The following TAF3 variants were observed in gnomAD, a reference collection of about 807,000 sequenced individuals.
TAF3 encodes the protein transcription initiation factor TFIID subunit 3.
A neutral mutation model predicts 80.6 loss-of-function variants in TAF3; 7 were observed. That is an observed-to-expected ratio of 0.09 (90% CI 0.05 to 0.16). TAF3 has a LOEUF of 0.16. TAF3 is among the 10% of genes least tolerant of loss of function. TAF3 has a pLI of 1.00. For missense variants in TAF3, 921 were observed against 1,140.2 expected (o/e 0.81, Z 2.77); for synonymous variants, 444 against 446.1 (o/e 1.00, Z 0.06).
At chr10:7,838,132 A>G (rs1051372698) in intron 2 of TAF3, among the ~76,000 whole-genome samples, 3 of 152,188 alleles carry the variant, frequency 2.0e-5, no homozygotes, top group African/African-American at 7.2e-5. Context: ...CTCGTGTTGC[A>G]TTGGGAATTG....
At chr10:7,989,761 T>C (rs1379786677) in intron 4 of TAF3, among the ~76,000 whole-genome samples, 1 of 152,214 alleles carries the variant, frequency 6.6e-6, no homozygotes, top group Non-Finnish European at 1.5e-5. Flanking sequence ...GCGTTTGGTA[T>C]AAAACCCTTT....
At chr10:7,867,061 C>T (rs765211851) in intron 2 of TAF3, among the ~76,000 whole-genome samples, 1 of 152,034 alleles carries the variant, frequency 6.6e-6, no homozygotes, top group Non-Finnish European at 1.5e-5. Flanking sequence ...GAGTCTGAGA[C>T]GAGCCTGGTG....
intron 2 of TAF3, among the ~76,000 whole-genome samples, chr10:7,931,266 C>T (rs1012434702): frequency 2.0e-5 from 3 of 152,064 alleles, no homozygotes; most frequent in South Asian, 2.1e-4. Flanking sequence ...ATGAAGTCAC[C>T]GTGAAGTCAG....
chr10:7,991,051 CTTTTT>C (rs1564378861), intron 4 of TAF3, among the ~76,000 whole-genome samples: 1 of 152,010 alleles, frequency 6.6e-6, no homozygotes, highest in African/African-American at 2.4e-5. Flanking sequence ...CTTCTCTTTT[CTTTTT>C]TTTCTCTTTT....
At chr10:8,007,720 T>G (rs1266796048) in intron 4 of TAF3, among the ~76,000 whole-genome samples, 1 of 151,540 alleles carries the variant, frequency 6.6e-6, no homozygotes, top group Non-Finnish European at 1.5e-5. Context: ...TGATCTTCAG[T>G]TTCCTCATCT....
chr10:7,865,654 G>C (rs1217820927), intron 2 of TAF3, among the ~76,000 whole-genome samples: 2 of 152,204 alleles, frequency 1.3e-5, no homozygotes, highest in East Asian at 1.9e-4. Context: ...CACGTGCAAA[G>C]TAGCAACTAG....
At chr10:7,852,476 T>G (rs144133020) in intron 2 of TAF3, among the ~76,000 whole-genome samples, 17 of 152,352 alleles carry the variant, frequency 1.1e-4, no homozygotes, top group Non-Finnish European at 1.9e-4. Context: ...TTGTTTGTCC[T>G]GTAGAGTTTT....
chr10:7,998,630 G>A (rs1250783705), intron 4 of TAF3, among the ~76,000 whole-genome samples: 1 of 152,000 alleles, frequency 6.6e-6, no homozygotes, highest in Non-Finnish European at 1.5e-5. Flanking sequence ...CCTGAAGTCA[G>A]GAGTTCGAGA....
At chr10:7,967,540 G>A (rs951837229) in intron 3 of TAF3, among the ~76,000 whole-genome samples, 1 of 152,174 alleles carries the variant, frequency 6.6e-6, no homozygotes, top group Non-Finnish European at 1.5e-5. Flanking sequence ...GGGCTATGGA[G>A]CAGGTACATG....
chr10:7,852,170 G>A (rs1028871056), intron 2 of TAF3, among the ~76,000 whole-genome samples: 1 of 152,032 alleles, frequency 6.6e-6, no homozygotes. Flanking sequence ...CTGCAGCCTC[G>A]AATTCCTGGG....
chr10:7,908,820 C>G (rs1013801172), intron 2 of TAF3, among the ~76,000 whole-genome samples: 2 of 152,262 alleles, frequency 1.3e-5, no homozygotes, highest in Non-Finnish European at 2.9e-5. Flanking sequence ...CTGCCTGTCT[C>G]CCAGAGCAGT....
intron 2 of TAF3, among the ~76,000 whole-genome samples, chr10:7,853,308 C>T (rs572668520): frequency 2.0e-4 from 30 of 152,266 alleles, no homozygotes; most frequent in African/African-American, 7.2e-4. Flanking sequence ...CCTCTGAACA[C>T]CTCCCAACTC....
At chr10:7,832,219 CTG>C (rs1836808248) in intron 2 of TAF3, among the ~76,000 whole-genome samples, 1 of 152,124 alleles carries the variant, frequency 6.6e-6, no homozygotes, top group Non-Finnish European at 1.5e-5. Context: ...GCCCCAGCCT[CTG>C]TAACCACTGT....
At chr10:8,000,169 G>T (rs976049611) in intron 4 of TAF3, among the ~76,000 whole-genome samples, 4 of 152,016 alleles carry the variant, frequency 2.6e-5, no homozygotes, top group African/African-American at 9.7e-5. Context: ...TCACTTTGTT[G>T]CCCAGGCTAG....
chr10:7,986,578 G>A lies in TAF3; in HGVS notation c.2315+9255G>A, dbSNP rs536221220. Among the ~76,000 whole-genome samples the A allele has an allele frequency of 2.8e-4, 43 of 152,244 alleles. No individual in the cohort carries two copies. The South Asian group carries it at 3.9e-3, about 14-fold the overall frequency. On this transcript the variant is annotated intron_variant, in intron 4 of 6. Transcript: ENST00000344293. ...CTTAGCTCCAAAAGTTTCCCAAGCT[G>A]AACAAAACCAAGGAAAGGCCTTGTC...
intron 4 of TAF3, among the ~76,000 whole-genome samples, chr10:7,980,793 G>T (rs1000868344): frequency 2.0e-5 from 3 of 152,174 alleles, no homozygotes; most frequent in Non-Finnish European, 4.4e-5. Flanking sequence ...TGGACTTGGG[G>T]CTGGGAGCAG....
chr10:7,884,392 C>CCTTTTTTTTT (rs199655446), intron 2 of TAF3, among the ~76,000 whole-genome samples: 6 of 120,512 alleles, frequency 5.0e-5, no homozygotes, highest in African/African-American at 1.7e-4. Context: ...GCTCTGCCTC[C>CCTTTTTTTTT]TTTTTTTTTT....
chr10:7,850,685 A>AT (rs1300398025), intron 2 of TAF3, among the ~76,000 whole-genome samples: 116 of 147,080 alleles, frequency 7.9e-4, no homozygotes, highest in South Asian at 4.9e-3. Context: ...AAAAAAAAAA[A>AT]AATATATATG....
At chr10:7,889,947 CCCT>C (rs983335268) in intron 2 of TAF3, among the ~76,000 whole-genome samples, 1 of 152,208 alleles carries the variant, frequency 6.6e-6, no homozygotes, top group Non-Finnish European at 1.5e-5. Flanking sequence ...TCGTTTTCCT[CCCT>C]CCTCTAGTTT....
Sources: gnomAD v4.1 joint callset for allele counts (sites outside exome capture counted in the v4.1 genomes callset) on GRCh38, gnomAD v4.1.1 for gene constraint, MANE v1.5 for transcripts, NCBI Gene and HGNC (gene_info 2026-07-23, HGNC 2026-07-21) for gene names.